The following SIRT5 variants were observed in gnomAD, a reference collection of about 807,000 sequenced individuals.
The protein encoded by SIRT5 is sirtuin 5.
SIRT5 carries 26 observed loss-of-function variants against 40.0 expected under a neutral mutation model. That is an observed-to-expected ratio of 0.65 (90% CI 0.48 to 0.90). The LOEUF (loss-of-function observed/expected upper bound fraction) is 0.90, where lower values mean the gene tolerates loss of function less well. Ranked by LOEUF, SIRT5 falls within the 40% of genes least tolerant of loss-of-function variation. SIRT5 has a pLI of 0.00. For synonymous variants in SIRT5, 146 were observed against 149.1 expected, an observed-to-expected ratio of 0.98 and a Z score of 0.15; for missense variants, 401 against 402.4, an observed-to-expected ratio of 1.00 and a Z score of 0.03.
intron 9 of SIRT5, among the ~76,000 whole-genome samples, chr6:13,602,817 G>T (rs974638424): frequency 6.6e-6 from 1 of 152,098 alleles, no homozygotes; most frequent in African/African-American, 2.4e-5. Flanking sequence ...AGAGCTAAAA[G>T]TATAAAATGT....
chr6:13,599,195 G>A (rs1001706144), intron 8 of SIRT5, 40 bp downstream of exon 8: 3 of 1,580,384 alleles, frequency 1.9e-6, no homozygotes, highest in Non-Finnish European at 2.6e-6. Flanking sequence ...CAGGACTGGA[G>A]TTTGTTATTT....
intron 4 of SIRT5, among the ~76,000 whole-genome samples, chr6:13,591,226 T>C (rs1179009013): frequency 6.6e-6 from 1 of 152,222 alleles, no homozygotes; most frequent in Non-Finnish European, 1.5e-5. Context: ...ACTGAGTTTC[T>C]CACCCATGGT....
intron 9 of SIRT5, among the ~76,000 whole-genome samples, chr6:13,611,459 G>A (rs1387100442): frequency 6.6e-6 from 1 of 151,478 alleles, no homozygotes; most frequent in Non-Finnish European, 1.5e-5. Context: ...TACTTGCATA[G>A]GTTCTCAGGA....
chr6:13,576,376 A>G (rs1343390957), intron 1 of SIRT5, among the ~76,000 whole-genome samples: 1 of 152,138 alleles, frequency 6.6e-6, no homozygotes, highest in African/African-American at 2.4e-5. Context: ...GCTCAGTGTG[A>G]TTTAATTTGC....
chr6:13,584,350 C>A, intron 3 of SIRT5, 125 bp downstream of exon 3: 2 of 708,952 alleles, frequency 2.8e-6, no homozygotes, highest in Non-Finnish European at 4.8e-6. Flanking sequence ...GCCACTCTGT[C>A]ATCTTCTCTT....
rs1764209350 is a variant in SIRT5 at position 13,614,910 on chromosome 6, G to A, written c.*3045G>A. On this transcript the variant is annotated 3_prime_UTR_variant, in exon 10 of 10. Transcript: ENST00000606117. ...AACGCCACCTCCTCCGAAGTGCGGA[G>A]CGAACGCAGCCAAATCTACACAAAG... 1 of 162,952 alleles carries A rather than the reference G, an allele frequency of 6.1e-6. No homozygotes were observed. The highest frequency in any genetic ancestry group is 6.3e-5 in the Admixed American group (1 of 15,786). The allele number at this position is 162,952 out of a possible 1,614,324, so 10.1% of individuals were successfully genotyped here.
At chr6:13,578,335 C>T (rs1758882711) in intron 1 of SIRT5, among the ~76,000 whole-genome samples, 1 of 152,104 alleles carries the variant, frequency 6.6e-6, no homozygotes, top group Non-Finnish European at 1.5e-5. Flanking sequence ...AGAAGTATTT[C>T]CTCCTCTTTA....
intron 9 of SIRT5, among the ~76,000 whole-genome samples, chr6:13,608,819 G>A (rs1339327764): frequency 8.6e-6 from 1 of 116,150 alleles, no homozygotes; most frequent in Admixed American, 1.1e-4. Context: ...AAATTTTATT[G>A]GATTTTTTTT....
intron 9 of SIRT5, among the ~76,000 whole-genome samples, chr6:13,603,721 A>G (rs1370772245): frequency 2.0e-5 from 3 of 151,416 alleles, no homozygotes; most frequent in African/African-American, 7.4e-5. Flanking sequence ...TAGAAATGAA[A>G]TCATACATCT....
At chr6:13,587,218 G>A (rs776161066) in intron 3 of SIRT5, among the ~76,000 whole-genome samples, 3 of 152,192 alleles carry the variant, frequency 2.0e-5, no homozygotes, top group Non-Finnish European at 4.4e-5. Flanking sequence ...TACAGCACTC[G>A]CTTCTCCAGG....
At chr6:13,591,961 C>T (rs1034705059) in intron 5 of SIRT5, 67 bp downstream of exon 5, 2 of 1,428,704 alleles carry the variant, frequency 1.4e-6, no homozygotes, top group Non-Finnish European at 9.7e-7. Flanking sequence ...GTTTCAGCAT[C>T]ACCTCTGGTG....
intron 9 of SIRT5, chr6:13,605,391 T>C: frequency 1.0e-6 from 1 of 985,336 alleles, no homozygotes; most frequent in Non-Finnish European, 1.2e-6. Context: ...TTCTAACCCC[T>C]GCTCTAGGTT....
intron 4 of SIRT5, among the ~76,000 whole-genome samples, chr6:13,590,044 C>T (rs1760631281): frequency 6.6e-6 from 1 of 152,062 alleles, no homozygotes; most frequent in Admixed American, 6.5e-5. Context: ...AGCAGAGGGG[C>T]CTTTACGGTA....
chr6:13,600,251 A>C (rs1762195423), intron 8 of SIRT5, among the ~76,000 whole-genome samples: 1 of 152,242 alleles, frequency 6.6e-6, no homozygotes. Context: ...GCCAGTATTT[A>C]AAGAATGCTT....
At chr6:13,582,271 C>A (rs1055273088) in intron 2 of SIRT5, among the ~76,000 whole-genome samples, 2 of 152,090 alleles carry the variant, frequency 1.3e-5, no homozygotes, top group Non-Finnish European at 2.9e-5. Context: ...CTTGTGAATT[C>A]TTTTTTTGTT....
intron 4 of SIRT5, among the ~76,000 whole-genome samples, chr6:13,588,739 C>A (rs1437138741): frequency 6.6e-6 from 1 of 152,148 alleles, no homozygotes; most frequent in Non-Finnish European, 1.5e-5. Context: ...AATCAGAAGA[C>A]CTTGGTTAGC....
rs144658395 is a variant in SIRT5, at chr6:13,584,213, C to T, written c.103C>T (p.Arg35Trp). 1.1e-5 allele frequency: 18 copies of T among 1,613,732 alleles called. No homozygotes were observed. The East Asian group carries it at 2.5e-4, about 22-fold the overall frequency. ...TRNQICLKMA[R>W]PSSSMADFRK... ...AAACCAGATTTGCCTGAAAATGGCT[C>T]GGCCAAGTTCAAGTAAGTCATTTTA... is the stretch of plus-strand genomic sequence containing the variant. The change falls in exon 3 of 10, where the codon CGG becomes TGG. Residue 35 changes from arginine (R) to tryptophan (W), a missense_variant. Coordinates refer to ENST00000606117, the MANE Select transcript of SIRT5 (RefSeq NM_012241.5).
chr6:13,598,557 C>T (rs920775791), intron 7 of SIRT5, among the ~76,000 whole-genome samples: 9 of 152,070 alleles, frequency 5.9e-5, no homozygotes, highest in Admixed American at 1.3e-4. Flanking sequence ...CTGCAGGGCG[C>T]GGTGGCTCAT....
intron 9 of SIRT5, chr6:13,605,061 C>G: frequency 1.0e-6 from 1 of 986,294 alleles, no homozygotes; most frequent in Non-Finnish European, 1.2e-6. Context: ...TTTTCAAAGG[C>G]AGAAACCAAC....
Sources: allele counts gnomAD v4.1 joint callset (sites outside exome capture counted in the v4.1 genomes callset), GRCh38; gene constraint gnomAD v4.1.1; transcripts MANE v1.5; gene names NCBI Gene and HGNC (gene_info 2026-07-23, HGNC 2026-07-21).